Variants in DOT1L observed in about 807,000 individuals in gnomAD.
The protein encoded by DOT1L is histone-lysine N-methyltransferase, H3 lysine-79 specific.
Under a neutral mutation model 153.3 loss-of-function variants are expected in DOT1L, and 33 were observed. That is an observed-to-expected ratio of 0.22 (90% confidence interval 0.16 to 0.29). The LOEUF is 0.29. Ranked by LOEUF, DOT1L falls within the 10% of genes least tolerant of loss-of-function variation. The probability of loss-of-function intolerance (pLI) is 1.00; values close to 1 mark genes in which losing one functional copy is unlikely to be tolerated. For missense variants in DOT1L, 1,847 were observed against 2,119.9 expected, an observed-to-expected ratio of 0.87 and a Z score of 2.53; for synonymous variants, 1,135 against 965.1, an observed-to-expected ratio of 1.18 and a Z score of -3.26.
rs747392201 is a variant in DOT1L, at chr19:2,222,430, C to T, written c.3261C>T (p.Gly1087=). The part of the protein sequence containing the change: ...PSHGQDSRRR[G]RRKRASAGTP... ...ACGGGCAGGACAGTCGCAGGCGCGGCCGGCGGAAGCGAGCATCTGCGGGGA... is the reference window on the plus strand; with the variant it reads ...ACGGGCAGGACAGTCGCAGGCGCGGTCGGCGGAAGCGAGCATCTGCGGGGA... The change falls in exon 24 of 28, where the codon GGC becomes GGT. Residue 1087 remains glycine, a synonymous_variant. Transcript: ENST00000398665. The surrounding 1 kb of genome is among the most constrained non-coding windows in gnomAD (Gnocchi z 6.5). 1.2e-6 allele frequency: 2 copies of T among 1,609,468 alleles called. No individual in the cohort carries two copies. Among genetic ancestry groups the T allele is most frequent in the Non-Finnish European group, 8.5e-7 (1 of 1,178,558 alleles).
chr19:2,172,193 CTTT>C (rs571890299), intron 1 of DOT1L, among the ~76,000 whole-genome samples: 2 of 144,086 alleles, frequency 1.4e-5, no homozygotes, highest in Admixed American at 7.0e-5. Flanking sequence ...CTTTTCTTTC[CTTT>C]TTTTTTTTTT....
chr19:2,201,058 G>A (rs1309873479), intron 8 of DOT1L, among the ~76,000 whole-genome samples: 1 of 98,456 alleles, frequency 1.0e-5, no homozygotes, highest in African/African-American at 4.1e-5. Context: ...CGCATTCCTC[G>A]TCCTCCCTGC....
intron 22 of DOT1L, among the ~76,000 whole-genome samples, chr19:2,219,342 C>G (rs1283226098): frequency 6.6e-6 from 1 of 152,170 alleles, no homozygotes; most frequent in African/African-American, 2.4e-5. Flanking sequence ...CTGTCTAATT[C>G]AGGACATTTT....
chr19:2,186,702 C>T (rs1018686044), intron 3 of DOT1L, among the ~76,000 whole-genome samples: 3 of 152,246 alleles, frequency 2.0e-5, no homozygotes, highest in Admixed American at 6.5e-5. Context: ...GTGCCCCTCC[C>T]TCGAGCCCTG....
At chr19:2,206,033 A>C (rs1040730004) in intron 9 of DOT1L, among the ~76,000 whole-genome samples, 11 of 138,878 alleles carry the variant, frequency 7.9e-5, no homozygotes, top group Admixed American at 2.2e-4. Context: ...GTCTCTCTCT[A>C]TCGCCCAGGC....
intron 2 of DOT1L, among the ~76,000 whole-genome samples, chr19:2,181,071 G>C (rs898854366): frequency 3.3e-5 from 5 of 152,160 alleles, no homozygotes; most frequent in Non-Finnish European, 7.4e-5. Flanking sequence ...ACGCGCCCTC[G>C]ACGGCCTCCT....
At chr19:2,178,470 T>G (rs907125318) in intron 1 of DOT1L, among the ~76,000 whole-genome samples, 6 of 147,294 alleles carry the variant, frequency 4.1e-5, no homozygotes, top group African/African-American at 1.5e-4. Context: ...CAGGCTGGAG[T>G]GCAGTGGCGC....
chr19:2,179,868 C>T (rs763061464), intron 1 of DOT1L, among the ~76,000 whole-genome samples: 4 of 152,170 alleles, frequency 2.6e-5, no homozygotes, highest in African/African-American at 7.2e-5. Context: ...TCAAGTGATT[C>T]GCTCCCTGCA....
intron 27 of DOT1L, 181 bp downstream of exon 27, chr19:2,227,308 C>A: frequency 2.4e-6 from 2 of 831,044 alleles, no homozygotes; most frequent in Non-Finnish European, 4.1e-6. Flanking sequence ...AGGGCTCACG[C>A]TGAGTCCGTG....
At position 2,172,507 on chromosome 19, in the gene DOT1L, C is replaced by CT. The variant is rs879379617; in HGVS notation, c.82-8193dup. 1.0e-3 allele frequency among the ~76,000 whole-genome samples: 144 copies of CT among 139,982 alleles called. 1 individual carries two copies. Among genetic ancestry groups the CT allele is most frequent in the South Asian group, 5.9e-3 (26 of 4,406 alleles). The allele number at this position is 139,982 out of a possible 152,430, so 91.8% of individuals were successfully genotyped here. A position where few individuals can be genotyped will look rare whatever the true frequency, so the allele number is the denominator to read the frequency against. ...CCCGGCCAGCCACTTTTCTTTCTTTCTTTTTTTTTTTTTGAAGACAGAGTC... is the reference window on the plus strand; with the variant it reads ...CCCGGCCAGCCACTTTTCTTTCTTTCTTTTTTTTTTTTTTGAAGACAGAGTC... On this transcript the variant is annotated intron_variant, in intron 1 of 27. Coordinates refer to ENST00000398665, the MANE Select transcript of DOT1L (RefSeq NM_032482.3).
intron 2 of DOT1L, among the ~76,000 whole-genome samples, chr19:2,183,998 A>G (rs868509524): frequency 1.3e-5 from 2 of 152,146 alleles, no homozygotes; most frequent in Non-Finnish European, 1.5e-5. Flanking sequence ...CCTTTTGCCT[A>G]TCGGCCATGC....
chr19:2,216,929 A>G (rs957774741), intron 20 of DOT1L, 26 bp from the exon 21 acceptor site: 1 of 1,595,828 alleles, frequency 6.3e-7, no homozygotes, highest in African/African-American at 1.3e-5. Flanking sequence ...ACGGCCCTCG[A>G]GAGTGACTGC....
rs756980145 is a variant in DOT1L, at chr19:2,216,653, C to G, written c.2296C>G (p.Leu766Val). The part of the protein sequence containing the change: ...GRPRLEKLSG[L>V]AAPDYTRLSP... ...GCCGCGCCTGGAGAAGCTGTCTGGCCTAGCCGCACCCGACTACACTAGGCT... is the reference window on the plus strand; with the variant it reads ...GCCGCGCCTGGAGAAGCTGTCTGGCGTAGCCGCACCCGACTACACTAGGCT... The change falls in exon 20 of 28, where the codon CTA becomes GTA. Residue 766 changes from leucine to valine, a missense_variant. Physicochemically the swap from Leu to Val is conservative, Grantham distance 32. Coordinates refer to ENST00000398665, the MANE Select transcript of DOT1L (RefSeq NM_032482.3). 1 of 1,604,954 alleles carries G rather than the reference C, an allele frequency of 6.2e-7. No individual in the cohort carries two copies. Among genetic ancestry groups the G allele is most frequent in the Non-Finnish European group, 8.5e-7 (1 of 1,179,896 alleles).
chr19:2,172,865 A>C (rs1019471975), intron 1 of DOT1L, among the ~76,000 whole-genome samples: 5 of 150,336 alleles, frequency 3.3e-5, no homozygotes, highest in Non-Finnish European at 5.9e-5. Context: ...CATAAAGTTC[A>C]CCTGTTTTAG....
intron 7 of DOT1L, among the ~76,000 whole-genome samples, chr19:2,196,854 C>T (rs915114829): frequency 1.4e-4 from 21 of 152,214 alleles, no homozygotes; most frequent in South Asian, 4.1e-4. Context: ...GTGTTAGCGG[C>T]GGGCTCGTGT....
intron 26 of DOT1L, among the ~76,000 whole-genome samples, chr19:2,225,968 A>G (rs896294371): frequency 1.3e-5 from 2 of 151,032 alleles, no homozygotes; most frequent in Non-Finnish European, 3.0e-5. Context: ...CTGCCATCTC[A>G]TCCTGTGCTG....
rs779413521 is a variant in DOT1L, at chr19:2,217,981, C to G, written c.2691+63C>G. On this transcript the variant is annotated intron_variant, in intron 22 of 27. Coordinates refer to ENST00000398665, the MANE Select transcript of DOT1L (RefSeq NM_032482.3). The surrounding 1 kb of genome is among the most constrained non-coding windows in gnomAD (Gnocchi z 7.3). ...TTGAGGCAAAACAGTCTGGGGTGCT[C>G]GAGACCTGGCTCACTTTGCGAAGTC... 5.1e-6 allele frequency: 8 copies of G among 1,565,478 alleles called. No individual in the cohort carries two copies. Among genetic ancestry groups the G allele is most frequent in the Non-Finnish European group, 6.9e-6 (8 of 1,156,930 alleles).
rs1230704457 is a variant in DOT1L, at chr19:2,222,212, G to A, written c.3043G>A (p.Ala1015Thr). The A allele has an allele frequency of 2.5e-6, 4 of 1,613,052 alleles. No homozygotes were observed. The highest frequency in any genetic ancestry group is 3.4e-6 in the Non-Finnish European group (4 of 1,179,822). The stretch of plus-strand genomic sequence containing the variant: ...CTCCTCCAGTCCCCGGCTTGGTGGG[G>A]CCGCCCAGGGCCCGTTGCCCGAGGC... ...QLSSSPRLGG[A>T]AQGPLPEASK... The change falls in exon 24 of 28, where the codon GCC (alanine) becomes ACC (threonine). Residue 1015 changes from alanine to threonine, a missense_variant. This residue lies in a region of DOT1L where 934 missense variants were observed against 825.3 expected (regional missense o/e 1.13). Coordinates refer to ENST00000398665, the MANE Select transcript of DOT1L (RefSeq NM_032482.3). This position sits in a 1 kb window ranked among gnomAD's most constrained non-coding sequence, Gnocchi z 6.5.
At chr19:2,201,331 C>T (rs1331589255) in intron 8 of DOT1L, among the ~76,000 whole-genome samples, 2 of 151,474 alleles carry the variant, frequency 1.3e-5, no homozygotes, top group Non-Finnish European at 2.9e-5. Flanking sequence ...ATTCCTCGTC[C>T]TCCCTGCGCC....
Sources: allele counts gnomAD v4.1 joint callset (sites outside exome capture counted in the v4.1 genomes callset), GRCh38; gene constraint gnomAD v4.1.1; regional missense constraint gnomAD v4.1.1; non-coding constraint Gnocchi (gnomAD v3.1); transcripts MANE v1.5; gene names NCBI Gene and HGNC (gene_info 2026-07-23, HGNC 2026-07-21).